The following ADAMTS19 variants were observed in gnomAD, a reference collection of about 807,000 sequenced individuals.
ADAMTS19 encodes the protein A disintegrin and metalloproteinase with thrombospondin motifs 19.
A neutral mutation model predicts 153.3 loss-of-function variants in ADAMTS19; 93 were observed. The ratio of observed to expected loss-of-function variants is 0.61; its 90% CI spans 0.51 to 0.72. ADAMTS19 has a LOEUF of 0.72. ADAMTS19 is among the 30% of genes least tolerant of loss of function. ADAMTS19 has a pLI of 0.00. For synonymous variants in ADAMTS19, 600 were observed against 556.6 expected (o/e 1.08, Z -1.10); for missense variants, 1,482 against 1,552.1 (o/e 0.95, Z 0.76).
intron 17 of ADAMTS19, among the ~76,000 whole-genome samples, chr5:129,682,027 C>A (rs1449216026): frequency 1.3e-5 from 2 of 152,086 alleles, no homozygotes; most frequent in Non-Finnish European, 2.9e-5. Flanking sequence ...TGGTATAAGA[C>A]CAAGGCTTCT....
chr5:129,697,508 GA>G (rs1266773027), intron 19 of ADAMTS19, among the ~76,000 whole-genome samples: 1 of 152,220 alleles, frequency 6.6e-6, no homozygotes, highest in Non-Finnish European at 1.5e-5. Flanking sequence ...GTGCATAAGG[GA>G]AAAGTAATGG....
chr5:129,707,443 C>T (rs1325347751), intron 21 of ADAMTS19, among the ~76,000 whole-genome samples: 1 of 152,174 alleles, frequency 6.6e-6, no homozygotes, highest in Non-Finnish European at 1.5e-5. Flanking sequence ...ACGATCTCAG[C>T]ATCACAGACT....
intron 10 of ADAMTS19, among the ~76,000 whole-genome samples, chr5:129,625,828 G>T (rs189767657): frequency 6.4e-4 from 97 of 152,196 alleles, no homozygotes; most frequent in Non-Finnish European, 1.2e-3. Context: ...CTTTTGCTGT[G>T]CAGAAGCTCT....
intron 7 of ADAMTS19, among the ~76,000 whole-genome samples, chr5:129,553,576 G>A (rs1419257157): frequency 6.6e-6 from 1 of 152,054 alleles, no homozygotes; most frequent in Non-Finnish European, 1.5e-5. Flanking sequence ...TTACAGCATA[G>A]GGTGTGAAAA....
chr5:129,726,764 T>A (rs1225106406), intron 21 of ADAMTS19, among the ~76,000 whole-genome samples: 1 of 152,174 alleles, frequency 6.6e-6, no homozygotes, highest in East Asian at 1.9e-4. Flanking sequence ...TTGTATGATC[T>A]CCTTGAGTCC....
Position 129,660,272 on chromosome 5 carries a change from T to G in ADAMTS19, c.2425+1535T>G, listed in dbSNP as rs1441945247. 2.0e-5 allele frequency among the ~76,000 whole-genome samples: 3 copies of G among 152,136 alleles called. No individual in the cohort carries two copies. In the East Asian group the frequency reaches 5.8e-4, roughly 29 times the overall value. On this transcript the variant is annotated intron_variant, in intron 15 of 22. Transcript: ENST00000274487. ...CCACACATCAAAAATCTGCTGGCAC[T>G]CCTTTAGAAAAAATAAATAAATAAA...
intron 9 of ADAMTS19, 91 bp from the exon 10 acceptor site, chr5:129,622,107 T>C: frequency 8.0e-7 from 1 of 1,253,486 alleles, no homozygotes. Flanking sequence ...ATATTTTTGA[T>C]ATTATTAAAG....
At chr5:129,498,707 G>A (rs1002360175) in intron 2 of ADAMTS19, among the ~76,000 whole-genome samples, 1 of 151,592 alleles carries the variant, frequency 6.6e-6, no homozygotes, top group African/African-American at 2.4e-5. Context: ...GTTTTCATAT[G>A]GCAGGCTCCT....
chr5:129,539,820 A>G (rs927710595), intron 6 of ADAMTS19, among the ~76,000 whole-genome samples: 4 of 152,074 alleles, frequency 2.6e-5, no homozygotes, highest in African/African-American at 4.8e-5. Context: ...AATACTGGCA[A>G]ACTGTTCTCC....
At chr5:129,602,074 T>C (rs894486282) in intron 8 of ADAMTS19, among the ~76,000 whole-genome samples, 1 of 152,226 alleles carries the variant, frequency 6.6e-6, no homozygotes, top group African/African-American at 2.4e-5. Flanking sequence ...GTGAACTCTT[T>C]ACTGCAAAAT....
At chr5:129,613,501 C>A (rs990951006) in intron 8 of ADAMTS19, among the ~76,000 whole-genome samples, 8 of 151,960 alleles carry the variant, frequency 5.3e-5, no homozygotes, top group African/African-American at 1.9e-4. Context: ...AACAAAGACA[C>A]AACATACCAG....
chr5:129,703,930 T>C (rs1220769263), intron 20 of ADAMTS19, among the ~76,000 whole-genome samples: 1 of 152,212 alleles, frequency 6.6e-6, no homozygotes, highest in Non-Finnish European at 1.5e-5. Flanking sequence ...TATCAAATTT[T>C]AGTAATTTTA....
chr5:129,720,084 C>T (rs149347791), intron 21 of ADAMTS19, among the ~76,000 whole-genome samples: 1 of 149,748 alleles, frequency 6.7e-6, no homozygotes, highest in Non-Finnish European at 1.5e-5. Flanking sequence ...TTCTTTTGAG[C>T]TTTTTGTGCC....
chr5:129,647,967 A>G, intron 12 of ADAMTS19, 72 bp downstream of exon 12: 1 of 1,502,928 alleles, frequency 6.7e-7, no homozygotes, highest in Non-Finnish European at 9.0e-7. Flanking sequence ...CTGATAAAGC[A>G]TGTTGGAAAG....
At chr5:129,693,491 A>G (rs1317856280) in intron 18 of ADAMTS19, among the ~76,000 whole-genome samples, 1 of 152,156 alleles carries the variant, frequency 6.6e-6, no homozygotes, top group Non-Finnish European at 1.5e-5. Context: ...TTACTTCTTC[A>G]TGATCAATCT....
intron 2 of ADAMTS19, among the ~76,000 whole-genome samples, chr5:129,497,095 G>A (rs1750949224): frequency 6.6e-6 from 1 of 151,944 alleles, no homozygotes. Flanking sequence ...AAAATTTTAA[G>A]CCTGAGCAAT....
rs142637273 is a variant in ADAMTS19 at position 129,701,578 on chromosome 5, G to A, written c.3145G>A (p.Gly1049Arg). 1 of 1,614,134 alleles carries A rather than the reference G, an allele frequency of 6.2e-7. No homozygotes were observed. Among genetic ancestry groups the A allele is most frequent in the Non-Finnish European group, 8.5e-7 (1 of 1,180,016 alleles). Residue 1049 changes from glycine (G) to arginine (R), a missense_variant, in exon 20 of 23, where the codon GGA becomes AGA. Transcript: ENST00000274487. ...GQDCMTVWEA[G>R]VWSECSVKCG... Reference sequence around the variant, plus strand: ...GGACTGCATGACCGTGTGGGAGGCGGGAGTGTGGTCTGAGGTGCATACATG... The same window carrying A: ...GGACTGCATGACCGTGTGGGAGGCGAGAGTGTGGTCTGAGGTGCATACATG...
At chr5:129,561,535 C>CAAA (rs147456879) in intron 7 of ADAMTS19, among the ~76,000 whole-genome samples, 1 of 75,088 alleles carries the variant, frequency 1.3e-5, no homozygotes, top group Admixed American at 1.5e-4. Flanking sequence ...GACTCCGTCT[C>CAAA]AAAAAAAAAA....
chr5:129,614,021 C>A (rs1298663299), intron 8 of ADAMTS19, among the ~76,000 whole-genome samples: 12 of 151,976 alleles, frequency 7.9e-5, no homozygotes, highest in Non-Finnish European at 1.3e-4. Context: ...CAATAACAGG[C>A]TCTGAAATTG....
Sources: allele counts gnomAD v4.1 joint callset (sites outside exome capture counted in the v4.1 genomes callset), GRCh38; gene constraint gnomAD v4.1.1; transcripts MANE v1.5; gene names NCBI Gene and HGNC (gene_info 2026-07-23, HGNC 2026-07-21).